SOX6: variants seen among roughly 807,000 people sequenced by gnomAD.
SOX6 encodes SRY-box transcription factor 6, also known as transcription factor SOX-6.
Under a neutral mutation model 97.8 loss-of-function variants are expected in SOX6, and 11 were observed. The observed-to-expected ratio is 0.11, with a 90% CI of 0.07 to 0.19. SOX6 has a LOEUF of 0.19. Among genes scored for constraint, SOX6 ranks in the 10% least tolerant of loss-of-function variants. The pLI is 1.00. For synonymous variants in SOX6, 360 were observed against 371.4 expected (o/e 0.97, Z 0.35); for missense variants, 810 against 1,039.5 (o/e 0.78, Z 3.04).
intron 3 of SOX6, among the ~76,000 whole-genome samples, chr11:16,696,013 C>A (rs1316404233): frequency 2.6e-5 from 4 of 152,100 alleles, no homozygotes; most frequent in African/African-American, 9.7e-5. Context: ...GACTTCATCC[C>A]AACAAATAAA....
chr11:16,461,735 A>G (rs981711116), intron 1 of SOX6, among the ~76,000 whole-genome samples: 1 of 152,188 alleles, frequency 6.6e-6, no homozygotes, highest in Non-Finnish European at 1.5e-5. Flanking sequence ...CTCCTAGAGT[A>G]GTATTTTTAA....
At chr11:16,165,992 A>C (rs1850878539) in intron 6 of SOX6, among the ~76,000 whole-genome samples, 1 of 151,910 alleles carries the variant, frequency 6.6e-6, no homozygotes, top group South Asian at 2.1e-4. Context: ...TATAATAAGT[A>C]CTCAATATTA....
chr11:16,681,399 C>G (rs1342698267), intron 3 of SOX6, among the ~76,000 whole-genome samples: 3 of 152,260 alleles, frequency 2.0e-5, no homozygotes, highest in Middle Eastern at 6.8e-3. Flanking sequence ...TAAAGATGTT[C>G]TTTGAAACGA....
intron 6 of SOX6, among the ~76,000 whole-genome samples, chr11:16,181,114 A>C (rs935975255): frequency 6.6e-6 from 1 of 151,672 alleles, no homozygotes; most frequent in African/African-American, 2.4e-5. Flanking sequence ...CTATTTCAGA[A>C]GACAGCATTC....
chr11:16,484,180 A>G (rs1410702136), intron 4 of SOX6: 80 of 790,176 alleles, frequency 1.0e-4, no homozygotes, highest in Non-Finnish European at 7.7e-5. Context: ...CCACCTGGAA[A>G]TGGTTGAAGT....
In SOX6 at chr11:16,610,685, A is replaced by AATT; in HGVS notation, n.609+1395_609+1396insAAT. 6.6e-6 allele frequency among the ~76,000 whole-genome samples: 1 copy of AATT among 152,228 alleles called. No homozygotes were observed. The highest frequency in any genetic ancestry group is 1.5e-5 in the Non-Finnish European group (1 of 68,044). The stretch of plus-strand genomic sequence containing the variant: ...AAGGAAACTAAAATTTGGGGTCTCG[A>AATT]TGCCGCACTTCTGGCTGTGTAAGAG... On this transcript the variant is annotated intron_variant and non_coding_transcript_variant, in intron 4 of 5. Transcript: ENST00000524520. The surrounding 1 kb of genome is among the most constrained non-coding windows in gnomAD (Gnocchi z 4.4).
chr11:16,094,969 G>A (rs1848762898), intron 9 of SOX6, among the ~76,000 whole-genome samples: 1 of 151,814 alleles, frequency 6.6e-6, no homozygotes, highest in Non-Finnish European at 1.5e-5. Flanking sequence ...AGATTCACAA[G>A]CAGCAGAAAA....
At chr11:16,675,055 C>T (rs747685160) in intron 3 of SOX6, among the ~76,000 whole-genome samples, 45 of 152,202 alleles carry the variant, frequency 3.0e-4, no homozygotes, top group South Asian at 6.2e-4. Flanking sequence ...CAAAAAACTA[C>T]TAGAATTCAT....
chr11:16,229,683 G>T (rs889795963), intron 4 of SOX6, among the ~76,000 whole-genome samples: 1 of 151,820 alleles, frequency 6.6e-6, no homozygotes, highest in South Asian at 2.1e-4. Flanking sequence ...TTCTGTAAGA[G>T]TTTTCTTCTC....
chr11:16,433,386 A>AC (rs1859307257), intron 1 of SOX6, among the ~76,000 whole-genome samples: 1 of 152,094 alleles, frequency 6.6e-6, no homozygotes, highest in South Asian at 2.1e-4. Context: ...AGTATATGAT[A>AC]TGTAAGACGT....
At chr11:15,977,065 T>C (rs929326487) in intron 15 of SOX6, among the ~76,000 whole-genome samples, 2 of 152,152 alleles carry the variant, frequency 1.3e-5, no homozygotes, top group African/African-American at 4.8e-5. Context: ...CATCTTTGAA[T>C]CTCATGTCAC....
chr11:16,005,967 T>C (rs1461883918), intron 13 of SOX6, among the ~76,000 whole-genome samples: 1 of 150,780 alleles, frequency 6.6e-6, no homozygotes, highest in Non-Finnish European at 1.5e-5. Flanking sequence ...CAAAAACAAT[T>C]AAAAAAAAAC....
At chr11:16,466,674 T>TA (rs1860038988) in intron 1 of SOX6, among the ~76,000 whole-genome samples, 1 of 149,734 alleles carries the variant, frequency 6.7e-6, no homozygotes, top group African/African-American at 2.4e-5. Flanking sequence ...CTCACGCCTG[T>TA]AATCCCAGCA....
chr11:16,375,713 T>C (rs1857624250), intron 1 of SOX6, among the ~76,000 whole-genome samples: 1 of 152,154 alleles, frequency 6.6e-6, no homozygotes, highest in Non-Finnish European at 1.5e-5. Flanking sequence ...TAAATCCTTC[T>C]GCTATGAAGA....
At chr11:16,052,641 A>G (rs1205816974) in intron 10 of SOX6, among the ~76,000 whole-genome samples, 2 of 152,118 alleles carry the variant, frequency 1.3e-5, no homozygotes, top group African/African-American at 4.8e-5. Context: ...CCTGATATTT[A>G]TTGAATGGAT....
intron 2 of SOX6, among the ~76,000 whole-genome samples, chr11:16,732,879 A>T (rs954581061): frequency 1.3e-5 from 2 of 152,212 alleles, no homozygotes; most frequent in Non-Finnish European, 2.9e-5. Flanking sequence ...ACAGAACTTA[A>T]AACAAATTTA....
chr11:16,340,029 T>G (rs1022534879), intron 2 of SOX6, among the ~76,000 whole-genome samples: 8 of 152,104 alleles, frequency 5.3e-5, no homozygotes, highest in Non-Finnish European at 8.8e-5. Flanking sequence ...GCATTGACTG[T>G]GTCTGCAAAA....
At chr11:16,083,601 C>A (rs577418130) in intron 9 of SOX6, among the ~76,000 whole-genome samples, 13 of 152,110 alleles carry the variant, frequency 8.5e-5, no homozygotes, top group African/African-American at 2.7e-4. Flanking sequence ...AATCTATGTA[C>A]AAGAAGCAAT....
chr11:16,478,948 A>G (rs547894456), upstream of SOX6, among the ~76,000 whole-genome samples: 13 of 152,332 alleles, frequency 8.5e-5, no homozygotes, highest in East Asian at 2.3e-3. Context: ...AGAACGCCTA[A>G]TCACCCATGG....
Sources: allele counts gnomAD v4.1 joint callset (sites outside exome capture counted in the v4.1 genomes callset), GRCh38; gene constraint gnomAD v4.1.1; non-coding constraint Gnocchi (gnomAD v3.1); transcripts MANE v1.5; gene names NCBI Gene and HGNC (gene_info 2026-07-23, HGNC 2026-07-21).